MACROD2: variants seen among roughly 807,000 people sequenced by gnomAD.
MACROD2 encodes the protein ADP-ribose glycohydrolase MACROD2.
In MACROD2, 36 loss-of-function variants were observed where a neutral mutation model predicts 70.4. That is an observed-to-expected ratio of 0.51 (90% CI 0.39 to 0.68). The LOEUF (loss-of-function observed/expected upper bound fraction) is 0.68. Ranked by LOEUF, MACROD2 falls within the 30% of genes least tolerant of loss-of-function variation. The pLI, the probability that MACROD2 is intolerant of heterozygous loss-of-function variation, is 0.00. For missense variants in MACROD2, 496 were observed against 538.4 expected (o/e 0.92, Z 0.78); for synonymous variants, 172 against 178.8 (o/e 0.96, Z 0.30).
chr20:14,091,757 A>T, intron 3 of MACROD2, among the ~76,000 whole-genome samples: 1 of 152,154 alleles, frequency 6.6e-6, no homozygotes, highest in African/African-American at 2.4e-5. Context: ...TTATTTATTA[A>T]TTCAGTAATT....
rs1297138908 is a variant in MACROD2 at position 14,324,415 on chromosome 20, G to T, written c.272-169064G>T. On this transcript the variant is annotated intron_variant, in intron 3 of 17. Transcript: ENST00000684519. Reference sequence around the variant, plus strand: ...TTCATTATATAATATCTGGAAAATTGTGACAGTAATGGGCAGTATTCTTGA... The same window carrying T: ...TTCATTATATAATATCTGGAAAATTTTGACAGTAATGGGCAGTATTCTTGA... 3 of 152,664 alleles carry T rather than the reference G, an allele frequency of 2.0e-5. No homozygotes were observed. The East Asian group carries it at 5.8e-4, about 29-fold the overall frequency. The allele number at this position is 152,664 out of a possible 1,614,324, so 9.5% of individuals were successfully genotyped here.
At chr20:14,695,613 C>T (rs1405441535) in intron 5 of MACROD2, among the ~76,000 whole-genome samples, 2 of 152,184 alleles carry the variant, frequency 1.3e-5, no homozygotes, top group Non-Finnish European at 2.9e-5. Flanking sequence ...TGTGAGGGAA[C>T]TCAGACACCT....
At chr20:15,938,579 C>G (rs1426833966) in intron 12 of MACROD2, among the ~76,000 whole-genome samples, 1 of 152,172 alleles carries the variant, frequency 6.6e-6, no homozygotes, top group Non-Finnish European at 1.5e-5. Context: ...CACTGACCCA[C>G]TATTCCCCTG....
chr20:15,447,344 C>G (rs1039764453), intron 7 of MACROD2, among the ~76,000 whole-genome samples: 1 of 152,160 alleles, frequency 6.6e-6, no homozygotes, highest in African/African-American at 2.4e-5. Context: ...TGGTCGGTGC[C>G]TTTGCTTTCC....
chr20:15,458,635 TTTTTAAA>T (rs370355279), intron 7 of MACROD2, among the ~76,000 whole-genome samples: 5,942 of 142,678 alleles, frequency 0.042, 195 homozygotes, highest in Non-Finnish European at 0.057. Flanking sequence ...TTGTTTTTTT[TTTTTAAA>T]AAAAAAAAAG....
chr20:15,661,020 T>C (rs529091978), intron 8 of MACROD2, among the ~76,000 whole-genome samples: 1 of 152,336 alleles, frequency 6.6e-6, no homozygotes, highest in East Asian at 1.9e-4. Flanking sequence ...ATGCAGTTAA[T>C]AGAATGACAC....
intron 4 of MACROD2, among the ~76,000 whole-genome samples, chr20:14,658,454 T>C (rs1986077567): frequency 6.6e-6 from 1 of 152,246 alleles, no homozygotes; most frequent in Non-Finnish European, 1.5e-5. Context: ...AGAGGAACTG[T>C]ACTCTTAAAA....
At chr20:15,417,523 C>G (rs2046169306) in intron 6 of MACROD2, among the ~76,000 whole-genome samples, 1 of 147,886 alleles carries the variant, frequency 6.8e-6, no homozygotes, top group Admixed American at 6.9e-5. Context: ...CACTTGAGTC[C>G]CAGCAGTCAA....
chr20:14,030,644 A>G (rs2053234739), intron 2 of MACROD2, among the ~76,000 whole-genome samples: 1 of 152,144 alleles, frequency 6.6e-6, no homozygotes, highest in Non-Finnish European at 1.5e-5. Flanking sequence ...TCCTGACCTC[A>G]GAGGATCTGC....
chr20:14,296,041 T>C (rs935983989), intron 3 of MACROD2, among the ~76,000 whole-genome samples: 4 of 151,876 alleles, frequency 2.6e-5, no homozygotes, highest in African/African-American at 9.7e-5. Context: ...TCTATCTATA[T>C]GGAAACCTAG....
chr20:14,678,744 G>T (rs1005880210), intron 4 of MACROD2, among the ~76,000 whole-genome samples: 1 of 152,090 alleles, frequency 6.6e-6, no homozygotes, highest in African/African-American at 2.4e-5. Flanking sequence ...CTGACCCTTT[G>T]TGAAGTCAAA....
intron 8 of MACROD2, among the ~76,000 whole-genome samples, chr20:15,829,438 A>G (rs987633971): frequency 6.6e-6 from 1 of 152,158 alleles, no homozygotes; most frequent in African/African-American, 2.4e-5. Context: ...CTAAAAACAA[A>G]ACACAAATCA....
chr20:14,526,842 G>A (rs1241951624), intron 4 of MACROD2, among the ~76,000 whole-genome samples: 1 of 152,206 alleles, frequency 6.6e-6, no homozygotes, highest in African/African-American at 2.4e-5. Flanking sequence ...AGCCCCAGTG[G>A]GCGTGTGTTA....
At chr20:15,221,608 A>G (rs1344343317) in intron 5 of MACROD2, among the ~76,000 whole-genome samples, 2 of 152,252 alleles carry the variant, frequency 1.3e-5, no homozygotes, top group African/African-American at 4.8e-5. Flanking sequence ...ATACAGTCCC[A>G]TCAACAAGGT....
chr20:14,699,812 C>T (rs1456010893), intron 5 of MACROD2, among the ~76,000 whole-genome samples: 1 of 148,994 alleles, frequency 6.7e-6, no homozygotes, highest in African/African-American at 2.5e-5. Context: ...AAAGTTTAAA[C>T]TTTTTAAATC....
At chr20:15,313,631 T>G (rs1433133347) in intron 6 of MACROD2, among the ~76,000 whole-genome samples, 8 of 151,972 alleles carry the variant, frequency 5.3e-5, no homozygotes, top group Admixed American at 5.3e-4. Context: ...TCTCTGGGGG[T>G]TTTCTTCTCA....
intron 2 of MACROD2, among the ~76,000 whole-genome samples, chr20:14,040,736 A>G (rs2053379366): frequency 6.6e-6 from 1 of 152,200 alleles, no homozygotes. Context: ...GTGCTATGAC[A>G]TTATGACAGC....
intron 3 of MACROD2, among the ~76,000 whole-genome samples, chr20:14,489,131 C>A (rs767365256): frequency 9.9e-5 from 15 of 152,262 alleles, no homozygotes; most frequent in Non-Finnish European, 2.1e-4. Flanking sequence ...TGTGTTTATG[C>A]CTGGTTTCTA....
intron 7 of MACROD2, among the ~76,000 whole-genome samples, chr20:15,432,679 A>G (rs998206139): frequency 1.3e-5 from 2 of 151,990 alleles, no homozygotes; most frequent in African/African-American, 4.8e-5. Flanking sequence ...TTTTATTATG[A>G]AAATGTTCTT....
Sources: gnomAD v4.1 joint callset for allele counts (sites outside exome capture counted in the v4.1 genomes callset) on GRCh38, gnomAD v4.1.1 for gene constraint, MANE v1.5 for transcripts, NCBI Gene and HGNC (gene_info 2026-07-23, HGNC 2026-07-21) for gene names.